The following WDR17 variants were observed in gnomAD, a reference collection of about 807,000 sequenced individuals.
WDR17 encodes the protein WD repeat-containing protein 17.
WDR17 carries 143 observed loss-of-function variants against 161.7 expected under a neutral mutation model. The observed-to-expected ratio is 0.88, with a 90% CI of 0.77 to 1.02. The LOEUF (loss-of-function observed/expected upper bound fraction) is 1.02. Among genes scored for constraint, WDR17 ranks in the 50% least tolerant of loss-of-function variants. The pLI, the probability that WDR17 is intolerant of heterozygous loss-of-function variation, is 0.00. For synonymous variants in WDR17, 517 were observed against 515.6 expected (o/e 1.00, Z -0.04); for missense variants, 1,469 against 1,520.9 (o/e 0.97, Z 0.57).
chr4:176,177,016 A>C (rs755870666), intron 26 of WDR17, 42 bp from the exon 27 acceptor site: 8 of 1,395,980 alleles, frequency 5.7e-6, no homozygotes, highest in Admixed American at 1.7e-5. Context: ...CTGATATCTT[A>C]GTTTTTGGTA....
In WDR17 at chr4:176,164,712, G is replaced by A. The variant is rs148926805; in HGVS notation, c.2990+1419G>A. Among the ~76,000 whole-genome samples the A allele has an allele frequency of 4.5e-3, 692 of 152,152 alleles. 2 individuals carry two copies. The highest frequency in any genetic ancestry group is 0.017 in the Middle Eastern group (5 of 292). ...TTCTTCTTTTTTGTCTGAATCTGAA[G>A]GTTTTATAGTGAATCAGGAATTTCA... is the stretch of plus-strand genomic sequence containing the variant. On this transcript the variant is annotated intron_variant, in intron 22 of 28. Coordinates refer to ENST00000508596, the MANE Select transcript of WDR17 (RefSeq NM_181265.4).
chr4:176,132,571 A>G (rs1308849885), intron 7 of WDR17, among the ~76,000 whole-genome samples: 1 of 152,014 alleles, frequency 6.6e-6, no homozygotes, highest in Non-Finnish European at 1.5e-5. Flanking sequence ...ATAATATTGT[A>G]TCTTTTCAAG....
chr4:176,173,994 T>C (rs1435148621), intron 25 of WDR17, among the ~76,000 whole-genome samples: 2 of 151,812 alleles, frequency 1.3e-5, no homozygotes, highest in African/African-American at 4.8e-5. Context: ...AAGAAACTCA[T>C]GGTCATATTT....
intron 7 of WDR17, among the ~76,000 whole-genome samples, chr4:176,132,611 A>G (rs1465539126): frequency 2.6e-5 from 4 of 152,022 alleles, no homozygotes; most frequent in African/African-American, 9.7e-5. Context: ...CCTCAAATGA[A>G]AAAATGATTT....
At chr4:176,169,117 A>G (rs939715105) in intron 23 of WDR17, among the ~76,000 whole-genome samples, 1 of 152,200 alleles carries the variant, frequency 6.6e-6, no homozygotes, top group Admixed American at 6.5e-5. Flanking sequence ...AGCAAGTCTA[A>G]CTCCAAATCC....
chr4:176,178,187 C>T (rs1002806354), intron 28 of WDR17, among the ~76,000 whole-genome samples: 1 of 152,010 alleles, frequency 6.6e-6, no homozygotes, highest in African/African-American at 2.4e-5. Context: ...TAGCTGGATA[C>T]TGATGTAAAC....
At position 176,163,183 on chromosome 4, in the gene WDR17, T is replaced by C; in HGVS notation, c.2880T>C (p.Asn960=). Residue 960 remains asparagine, a synonymous_variant, in exon 22 of 29, where the codon AAT becomes AAC. Coordinates refer to ENST00000508596, the MANE Select transcript of WDR17 (RefSeq NM_181265.4). The part of the protein sequence containing the change: ...ELAMAYLIRG[N]ELELAVCVGT... ...CTATGGCATACCTGATTCGCGGAAA[T>C]GAACTGGAGTTGGCAGTCTGTGTGG... 6.2e-7 allele frequency: 1 copy of C among 1,614,144 alleles called. No individual in the cohort carries two copies. Among genetic ancestry groups the C allele is most frequent in the Non-Finnish European group, 8.5e-7 (1 of 1,180,012 alleles).
At chr4:176,144,723 C>T (rs6553915) in intron 11 of WDR17, among the ~76,000 whole-genome samples, 149,128 of 152,248 alleles carry the variant, frequency 0.98, 73,113 homozygotes, top group East Asian at 1. Context: ...TTTTAATTGC[C>T]GTATTCATAT....
At chr4:176,161,439 G>A (rs1244626710) in intron 20 of WDR17, among the ~76,000 whole-genome samples, 1 of 152,048 alleles carries the variant, frequency 6.6e-6, no homozygotes, top group Admixed American at 6.5e-5. Context: ...CTCTTTTAAA[G>A]AAGAAATCCT....
rs975192202 is a variant in WDR17, at chr4:176,154,097, G to T, written c.2461-1982G>T. The stretch of plus-strand genomic sequence containing the variant: ...TTAACTCAAAGCCTATTTCAATCAG[G>T]TATCTGTTTGGGAAGCTTAATAATT... On this transcript the variant is annotated intron_variant, in intron 17 of 28. Transcript: ENST00000508596. 3.9e-5 allele frequency among the ~76,000 whole-genome samples: 6 copies of T among 152,218 alleles called. No homozygotes were observed. In the South Asian group the frequency reaches 1.2e-3, roughly 32 times the overall value.
intron 1 of WDR17, among the ~76,000 whole-genome samples, chr4:176,077,873 G>C (rs745575935): frequency 2.7e-4 from 41 of 151,950 alleles, no homozygotes; most frequent in Non-Finnish European, 5.0e-4. Context: ...CACACTACCT[G>C]TGGTTTAGTC....
chr4:176,132,129 T>C (rs1743562652), intron 7 of WDR17, among the ~76,000 whole-genome samples: 1 of 152,188 alleles, frequency 6.6e-6, no homozygotes, highest in East Asian at 1.9e-4. Flanking sequence ...TTCTAAGATT[T>C]GTTTCTATTG....
At chr4:176,099,760 G>A (rs571652234) in intron 1 of WDR17, among the ~76,000 whole-genome samples, 1 of 152,008 alleles carries the variant, frequency 6.6e-6, no homozygotes, top group South Asian at 2.1e-4. Flanking sequence ...ACACTTTGGA[G>A]TCTCCCTTGT....
chr4:176,150,306 A>G (rs569677050), intron 15 of WDR17, 133 bp downstream of exon 15: 7 of 1,459,898 alleles, frequency 4.8e-6, no homozygotes, highest in African/African-American at 1.4e-5. Context: ...TGTGCACTAT[A>G]AGAAAGCAAA....
rs897434604 is a variant in WDR17, at chr4:176,121,167, G to A, written c.538+1070G>A. On this transcript the variant is annotated intron_variant, in intron 4 of 28. Coordinates refer to ENST00000508596, the MANE Select transcript of WDR17 (RefSeq NM_181265.4). Reference sequence around the variant, plus strand: ...GATTTGTCAAAGATTAGCATGAGGAGGGATCAATGACTGGTGCTTCTTCTG... The same window carrying A: ...GATTTGTCAAAGATTAGCATGAGGAAGGATCAATGACTGGTGCTTCTTCTG... 1.4e-4 allele frequency among the ~76,000 whole-genome samples: 21 copies of A among 152,308 alleles called. No individual in the cohort carries two copies. The East Asian group carries it at 2.1e-3, about 15-fold the overall frequency.
chr4:176,096,966 A>G (rs1160228268), intron 1 of WDR17, among the ~76,000 whole-genome samples: 2 of 151,946 alleles, frequency 1.3e-5, no homozygotes, highest in Non-Finnish European at 2.9e-5. Context: ...TGCTGATACT[A>G]CTTATTAAAC....
chr4:176,131,837 G>A, intron 7 of WDR17, 99 bp downstream of exon 7: 1 of 996,174 alleles, frequency 1.0e-6, no homozygotes, highest in Non-Finnish European at 1.4e-6. Context: ...AATTATTTTT[G>A]TAAGTAATAA....
intron 26 of WDR17, among the ~76,000 whole-genome samples, chr4:176,176,358 A>G (rs1702904113): frequency 6.6e-6 from 1 of 152,106 alleles, no homozygotes; most frequent in Admixed American, 6.6e-5. Flanking sequence ...CTTGCTGCTT[A>G]TAATTATTTT....
chr4:176,106,551 A>G (rs1297188474), intron 1 of WDR17, among the ~76,000 whole-genome samples: 4 of 152,232 alleles, frequency 2.6e-5, no homozygotes, highest in African/African-American at 9.6e-5. Flanking sequence ...AAAGCTTCAC[A>G]ACATTGGATT....
Sources: allele counts gnomAD v4.1 joint callset (sites outside exome capture counted in the v4.1 genomes callset), GRCh38; gene constraint gnomAD v4.1.1; transcripts MANE v1.5; gene names NCBI Gene and HGNC (gene_info 2026-07-23, HGNC 2026-07-21).